The following CAV1 variants were observed in gnomAD, a reference collection of about 807,000 sequenced individuals.
CAV1 encodes the protein caveolin 1.
A neutral mutation model predicts 16.5 loss-of-function variants in CAV1; 10 were observed. The observed-to-expected ratio is 0.61, with a 90% confidence interval of 0.37 to 1.03. CAV1 has a LOEUF of 1.03. CAV1 is among the 50% of genes least tolerant of loss of function. The pLI is 0.01. For synonymous variants in CAV1, 76 were observed against 85.1 expected, an observed-to-expected ratio of 0.89 and a Z score of 0.59; for missense variants, 212 against 232.8, an observed-to-expected ratio of 0.91 and a Z score of 0.58.
At chr7:116,534,387 A>ATGTTTTTTTTTTT (rs1196588254) in intron 2 of CAV1, among the ~76,000 whole-genome samples, 5 of 9,254 alleles carry the variant, frequency 5.4e-4, no homozygotes, top group African/African-American at 1.4e-3. Flanking sequence ...ATATATATAT[A>ATGTTTTTTTTTTT]TATATATATT....
intron 2 of CAV1, among the ~76,000 whole-genome samples, chr7:116,538,156 G>A (rs1213053118): frequency 6.6e-6 from 1 of 152,060 alleles, no homozygotes; most frequent in Non-Finnish European, 1.5e-5. Context: ...GACATTTGTG[G>A]GACCACACCA....
At position 116,559,385 on chromosome 7, in the gene CAV1, TG is replaced by T; in HGVS notation, c.*99del. On this transcript the variant is annotated 3_prime_UTR_variant, in exon 3 of 3. Coordinates refer to ENST00000341049, the MANE Select transcript of CAV1 (RefSeq NM_001753.5). ...AAGTTGCTAATACAGCAACAATTTA[TG>T]AATTGAATTATCTTGGTTGAAAATA... 5.1e-6 allele frequency: 4 copies of T among 783,092 alleles called. No individual in the cohort carries two copies. Among genetic ancestry groups the T allele is most frequent in the Non-Finnish European group, 8.8e-6 (4 of 456,332 alleles). The allele number at this position is 783,092 out of a possible 1,614,324, so 48.5% of individuals were successfully genotyped here. A position where few individuals can be genotyped will look rare whatever the true frequency, so the allele number is the denominator to read the frequency against.
At chr7:116,550,520 T>C (rs897095285) in intron 2 of CAV1, among the ~76,000 whole-genome samples, 7 of 152,122 alleles carry the variant, frequency 4.6e-5, no homozygotes, top group African/African-American at 1.7e-4. Context: ...CCAGTAAAGA[T>C]TGCCCCTGAG....
chr7:116,540,782 A>G (rs1562832533), intron 2 of CAV1, among the ~76,000 whole-genome samples: 1 of 152,228 alleles, frequency 6.6e-6, no homozygotes, highest in Non-Finnish European at 1.5e-5. Flanking sequence ...AATAAAACAG[A>G]TATGTTAAGT....
In CAV1 at chr7:116,561,088, T is replaced by G. The variant is rs1270277207; in HGVS notation, c.*1801T>G. 5.9e-5 allele frequency: 9 copies of G among 152,744 alleles called. No individual in the cohort carries two copies. The East Asian group carries it at 1.7e-3, about 29-fold the overall frequency. 9.5% of individuals were successfully genotyped at this position (152,744 alleles called of 1,614,324 possible). Reference sequence around the variant, plus strand: ...TACTGGTCCAAAAGATTGCTGAAATTTTATATGCTTACTGATATATTTTAC... The same window carrying G: ...TACTGGTCCAAAAGATTGCTGAAATGTTATATGCTTACTGATATATTTTAC... On this transcript the variant is annotated 3_prime_UTR_variant, in exon 3 of 3. Coordinates refer to ENST00000341049, the MANE Select transcript of CAV1 (RefSeq NM_001753.5).
rs201767738 is a variant in CAV1 at position 116,525,107 on chromosome 7, G to A, written c.30+15G>A. The A allele has an allele frequency of 3.1e-6, 5 of 1,614,230 alleles. No homozygotes were observed. The highest frequency in any genetic ancestry group is 1.6e-4 in the Middle Eastern group (1 of 6,062). ...TAGACTCGGAGGTAGGCATCCGTGG[G>A]GGGGCGCCGGCTCGGGCGTGCGGGG... is the stretch of plus-strand genomic sequence containing the variant. On this transcript the variant is annotated intron_variant, in intron 1 of 2. Transcript: ENST00000341049.
chr7:116,537,009 C>CAAAAA (rs753949130), intron 2 of CAV1, among the ~76,000 whole-genome samples: 3 of 61,434 alleles, frequency 4.9e-5, no homozygotes, highest in African/African-American at 6.3e-5. Context: ...GACTCCGTCT[C>CAAAAA]AAAAAAAAAA....
At chr7:116,550,667 A>T (rs887876672) in intron 2 of CAV1, among the ~76,000 whole-genome samples, 24 of 152,226 alleles carry the variant, frequency 1.6e-4, no homozygotes, top group African/African-American at 5.5e-4. Flanking sequence ...AACGTGTTAA[A>T]AATATGTGTG....
intron 2 of CAV1, among the ~76,000 whole-genome samples, chr7:116,547,801 G>A (rs996087098): frequency 3.9e-5 from 6 of 152,088 alleles, no homozygotes; most frequent in African/African-American, 9.7e-5. Flanking sequence ...TGCCCTAAAC[G>A]TTTTGCATAA....
chr7:116,553,154 G>A (rs1248255967), intron 2 of CAV1, among the ~76,000 whole-genome samples: 1 of 152,114 alleles, frequency 6.6e-6, no homozygotes. Flanking sequence ...AAAATGTCCA[G>A]ATTTTGAAAC....
Position 116,526,698 on chromosome 7 carries a change from A to G in CAV1, c.195+9A>G. On this transcript the variant is annotated intron_variant, in intron 2 of 2. Coordinates refer to ENST00000341049, the MANE Select transcript of CAV1 (RefSeq NM_001753.5). ...ACGATGACGTGGTCAAGGTAAGCCA[A>G]GGCGACCAACAGGGAAGGGCTGGGA... 6.2e-7 allele frequency: 1 copy of G among 1,614,050 alleles called. No homozygotes were observed. Among genetic ancestry groups the G allele is most frequent in the Non-Finnish European group, 8.5e-7 (1 of 1,180,010 alleles).
At chr7:116,551,827 C>G (rs1026353168) in intron 2 of CAV1, 44 of 152,152 alleles carry the variant, frequency 2.9e-4, no homozygotes, top group African/African-American at 9.7e-4. Context: ...CATGTCTAAG[C>G]TCACTCACAT....
chr7:116,546,697 C>CAAAAAAAAAAAAA (rs5886830), intron 2 of CAV1, among the ~76,000 whole-genome samples: 3 of 88,396 alleles, frequency 3.4e-5, no homozygotes, highest in Non-Finnish European at 7.0e-5. Context: ...GACTCTGTCA[C>CAAAAAAAAAAAAA]AAAAAAAAAA....
At chr7:116,555,131 T>C (rs201184607) in intron 2 of CAV1, among the ~76,000 whole-genome samples, 1 of 152,096 alleles carries the variant, frequency 6.6e-6, no homozygotes, top group East Asian at 1.9e-4. Context: ...GTTCCTCTTA[T>C]TACAATTGTC....
chr7:116,527,720 T>C (rs1029742432), intron 2 of CAV1, among the ~76,000 whole-genome samples: 4 of 152,178 alleles, frequency 2.6e-5, no homozygotes, highest in Non-Finnish European at 5.9e-5. Context: ...TCTACTCCTA[T>C]ACAACCCCCA....
Position 116,555,566 on chromosome 7 carries a change from A to G in CAV1, c.196-3380A>G, listed in dbSNP as rs1459526816. Among the ~76,000 whole-genome samples the G allele has an allele frequency of 7.3e-3, 640 of 88,062 alleles. 79 individuals are homozygous for G. The highest frequency in any genetic ancestry group is 0.01 in the East Asian group (32 of 3,064). 57.8% of individuals were successfully genotyped at this position (88,062 alleles called of 152,430 possible). ...AGAGAAAGAAAGAAAGAAAGAAAGA[A>G]AGAAAGAAAGAAAGAAAGAAAGAAA... On this transcript the variant is annotated intron_variant, in intron 2 of 2. Coordinates refer to ENST00000341049, the MANE Select transcript of CAV1 (RefSeq NM_001753.5).
chr7:116,545,545 G>C (rs1363564382), intron 2 of CAV1, among the ~76,000 whole-genome samples: 1 of 152,210 alleles, frequency 6.6e-6, no homozygotes, highest in Non-Finnish European at 1.5e-5. Context: ...TTAGTAAACA[G>C]ACTAGAAGCA....
At chr7:116,558,816 G>A (rs1584787920) in intron 2 of CAV1, 130 bp from the exon 3 acceptor site, 2 of 691,622 alleles carry the variant, frequency 2.9e-6, no homozygotes, top group African/African-American at 3.6e-5. Flanking sequence ...GCTGCTGGTT[G>A]CCTTTAAGCA....
rs1255795491 is a variant in CAV1, at chr7:116,555,607, A to G, written c.196-3339A>G. Among the ~76,000 whole-genome samples, 3 of 134,080 alleles carry G rather than the reference A, an allele frequency of 2.2e-5. No individual in the cohort carries two copies. In the East Asian group the frequency reaches 6.5e-4, roughly 29 times the overall value. The allele number at this position is 134,080 out of a possible 152,430, so 88.0% of individuals were successfully genotyped here. On this transcript the variant is annotated intron_variant, in intron 2 of 2. Coordinates refer to ENST00000341049, the MANE Select transcript of CAV1 (RefSeq NM_001753.5). ...AAGAAAGAAAGAAAGAAAGAAAGAG[A>G]AAGAAAGAAAGAAGGGAGGGAGGGA...
Sources: gnomAD v4.1 joint callset for allele counts (sites outside exome capture counted in the v4.1 genomes callset) on GRCh38, gnomAD v4.1.1 for gene constraint, MANE v1.5 for transcripts, NCBI Gene and HGNC (gene_info 2026-07-23, HGNC 2026-07-21) for gene names.